Variants in ELMO1 observed in about 807,000 individuals in gnomAD.
The protein encoded by ELMO1 is engulfment and cell motility 1.
ELMO1 carries 26 observed loss-of-function variants against 98.9 expected under a neutral mutation model. The ratio of observed to expected loss-of-function variants is 0.26; its 90% CI spans 0.19 to 0.36. The LOEUF (loss-of-function observed/expected upper bound fraction) is 0.36, where lower values mean the gene tolerates loss of function less well. Ranked by LOEUF, ELMO1 falls within the 10% of genes least tolerant of loss-of-function variation. The pLI is 1.00. For missense variants in ELMO1, 627 were observed against 935.2 expected, an observed-to-expected ratio of 0.67 and a Z score of 4.30; for synonymous variants, 346 against 346.0, an observed-to-expected ratio of 1.00 and a Z score of 0.00.
At chr7:37,037,998 T>C (rs1431609232) in intron 15 of ELMO1, among the ~76,000 whole-genome samples, 1 of 152,110 alleles carries the variant, frequency 6.6e-6, no homozygotes, top group African/African-American at 2.4e-5. Context: ...TTAACACAGA[T>C]ACCATGTTTG....
intron 14 of ELMO1, among the ~76,000 whole-genome samples, chr7:37,109,193 A>ACGGATTCC: frequency 6.6e-6 from 1 of 152,308 alleles, no homozygotes; most frequent in East Asian, 1.9e-4. Flanking sequence ...CAATGCGGCC[A>ACGGATTCC]CGTGGATGAA....
chr7:37,196,289 G>A (rs1462648372), intron 13 of ELMO1, among the ~76,000 whole-genome samples: 1 of 152,220 alleles, frequency 6.6e-6, no homozygotes, highest in African/African-American at 2.4e-5. Flanking sequence ...GCGTCAGGGT[G>A]AAAGGGGCCA....
chr7:37,107,449 G>A (rs898729667), intron 14 of ELMO1, among the ~76,000 whole-genome samples: 1 of 152,160 alleles, frequency 6.6e-6, no homozygotes, highest in East Asian at 1.9e-4. Flanking sequence ...ATGCAAGAAA[G>A]ACTAATTACA....
chr7:36,897,324 A>ACG (rs1806091771), intron 16 of ELMO1, among the ~76,000 whole-genome samples: 1 of 14,758 alleles, frequency 6.8e-5, no homozygotes, highest in Non-Finnish European at 2.2e-4. Flanking sequence ...AAGAAAACAG[A>ACG]CGTGTGTGTG....
intron 6 of ELMO1, among the ~76,000 whole-genome samples, chr7:37,258,868 G>C (rs995925332): frequency 1.3e-5 from 2 of 151,936 alleles, no homozygotes; most frequent in African/African-American, 4.8e-5. Flanking sequence ...CTATTGTTTT[G>C]TCGAGTTATA....
chr7:37,250,947 G>A (rs1372782138), intron 6 of ELMO1, among the ~76,000 whole-genome samples: 2 of 152,110 alleles, frequency 1.3e-5, no homozygotes, highest in African/African-American at 4.8e-5. Flanking sequence ...AAGCGGGAAG[G>A]AAACTATAAG....
intron 20 of ELMO1, among the ~76,000 whole-genome samples, chr7:36,868,641 C>T (rs1336782622): frequency 6.6e-6 from 1 of 152,198 alleles, no homozygotes; most frequent in African/African-American, 2.4e-5. Flanking sequence ...AGCCACCACA[C>T]CCTGCCCGCT....
At position 37,145,579 on chromosome 7, in the gene ELMO1, C is replaced by G. The variant is rs117818881; in HGVS notation, c.1087-12345G>C. On this transcript the variant is annotated intron_variant, in intron 13 of 21. Transcript: ENST00000310758. ...CTTGAATGCTTCCTGGTTGGGAAAA[C>G]AGTACTGGCACTAGCCTGAATGATT... 2.4e-3 allele frequency among the ~76,000 whole-genome samples: 364 copies of G among 152,348 alleles called. 3 individuals are homozygous for G. Among genetic ancestry groups the G allele is most frequent in the Non-Finnish European group, 4.3e-3 (295 of 68,036 alleles).
chr7:37,003,001 G>A (rs527530472), intron 16 of ELMO1, among the ~76,000 whole-genome samples: 2 of 152,334 alleles, frequency 1.3e-5, no homozygotes, highest in East Asian at 3.9e-4. Context: ...CCTGAGGAAG[G>A]TGGTGGTCCG....
chr7:36,864,095 G>A (rs1257051806), intron 20 of ELMO1, among the ~76,000 whole-genome samples: 3 of 152,164 alleles, frequency 2.0e-5, no homozygotes, highest in Non-Finnish European at 4.4e-5. Context: ...GGCTGACCCT[G>A]GGTGACAAGT....
intron 13 of ELMO1, among the ~76,000 whole-genome samples, chr7:37,188,952 T>C (rs1395121214): frequency 3.3e-5 from 5 of 152,184 alleles, no homozygotes; most frequent in African/African-American, 4.8e-5. Flanking sequence ...TTTTTGACAA[T>C]AACTGTTTTA....
At chr7:37,418,592 G>A (rs1804332834) in intron 1 of ELMO1, among the ~76,000 whole-genome samples, 1 of 152,214 alleles carries the variant, frequency 6.6e-6, no homozygotes, top group South Asian at 2.1e-4. Flanking sequence ...AAGGGACTGT[G>A]CTGTGCCAGT....
In ELMO1 at chr7:37,013,287, G is replaced by A. The variant is rs752327676; in HGVS notation, c.1437+12C>T. ...GCGGGAATCCCCTGCCTCTATCCGA[G>A]ATCCACATTACCTTGTTGAAGTCTT... On this transcript the variant is annotated intron_variant, in intron 16 of 21. Transcript: ENST00000310758. 6.2e-7 allele frequency: 1 copy of A among 1,613,786 alleles called. No individual in the cohort carries two copies. The highest frequency in any genetic ancestry group is 2.2e-5 in the East Asian group (1 of 44,850).
intron 16 of ELMO1, among the ~76,000 whole-genome samples, chr7:36,994,473 C>T (rs1792070718): frequency 6.6e-6 from 1 of 152,216 alleles, no homozygotes; most frequent in Non-Finnish European, 1.5e-5. Flanking sequence ...AGACAAAATC[C>T]TACTGCAAAC....
intron 13 of ELMO1, among the ~76,000 whole-genome samples, chr7:37,175,887 T>C (rs1790473019): frequency 6.6e-6 from 1 of 152,094 alleles, no homozygotes; most frequent in South Asian, 2.1e-4. Context: ...AAACGACTCA[T>C]GATCACTTTA....
rs73112647 is a variant in ELMO1, at chr7:37,324,345, G to A, written c.79-8385C>T. ...TAGCCACTATGGAGCATGGGCTGCC[G>A]TTCTCAGCTCTGACATCCACTTCTC... On this transcript the variant is annotated intron_variant, in intron 2 of 21. Coordinates refer to ENST00000310758, the MANE Select transcript of ELMO1 (RefSeq NM_014800.11). Among the ~76,000 whole-genome samples the A allele has an allele frequency of 1.5e-3, 226 of 152,100 alleles. 1 individual carries two copies. Among genetic ancestry groups the A allele is most frequent in the East Asian group, 0.012 (60 of 5,172 alleles).
intron 15 of ELMO1, among the ~76,000 whole-genome samples, chr7:37,053,449 T>C (rs571246740): frequency 4.6e-5 from 7 of 152,322 alleles, no homozygotes; most frequent in African/African-American, 1.2e-4. Context: ...TTGATGATTA[T>C]TGAAATACTT....
chr7:37,133,092 G>A (rs749122590), intron 14 of ELMO1, 38 bp downstream of exon 14: 5 of 1,508,826 alleles, frequency 3.3e-6, no homozygotes, highest in Non-Finnish European at 4.6e-6. Context: ...ACATTGAGTA[G>A]GAAACACACA....
At chr7:36,876,209 G>A (rs1447374492) in intron 19 of ELMO1, among the ~76,000 whole-genome samples, 1 of 152,152 alleles carries the variant, frequency 6.6e-6, no homozygotes, top group Non-Finnish European at 1.5e-5. Flanking sequence ...CTTTTCACCA[G>A]TTAATAGCAA....
Sources: gnomAD v4.1 joint callset for allele counts (sites outside exome capture counted in the v4.1 genomes callset) on GRCh38, gnomAD v4.1.1 for gene constraint, MANE v1.5 for transcripts, NCBI Gene and HGNC (gene_info 2026-07-23, HGNC 2026-07-21) for gene names.